USH2A: variants seen among roughly 807,000 people sequenced by gnomAD.
The protein encoded by USH2A is usherin, also known as Usher syndrome 2A (autosomal recessive, mild).
Under a neutral mutation model 538.9 loss-of-function variants are expected in USH2A, and 443 were observed. That is an observed-to-expected ratio of 0.82 (90% CI 0.76 to 0.89). The LOEUF (loss-of-function observed/expected upper bound fraction) is 0.89, where lower values mean the gene tolerates loss of function less well. Ranked by LOEUF, USH2A falls within the 40% of genes least tolerant of loss-of-function variation. The pLI, the probability that USH2A is intolerant of heterozygous loss-of-function variation, is 0.00. For synonymous variants in USH2A, 2,413 were observed against 2,273.5 expected (o/e 1.06, Z -1.75); for missense variants, 6,633 against 6,324.8 (o/e 1.05, Z -1.65).
At chr1:216,168,980 A>C (rs2034222836) in intron 21 of USH2A, among the ~76,000 whole-genome samples, 1 of 152,074 alleles carries the variant, frequency 6.6e-6, no homozygotes, top group Admixed American at 6.6e-5. Context: ...GACTGATTTC[A>C]GTAATAATAA....
chr1:215,915,821 A>T (rs1665938516), intron 38 of USH2A, among the ~76,000 whole-genome samples: 1 of 151,904 alleles, frequency 6.6e-6, no homozygotes. Flanking sequence ...GATTAAGAAA[A>T]TGTGGCACAT....
chr1:216,336,120 A>G (rs1045841272), intron 4 of USH2A, among the ~76,000 whole-genome samples: 1 of 151,510 alleles, frequency 6.6e-6, no homozygotes, highest in Non-Finnish European at 1.5e-5. Context: ...AATGTACGAA[A>G]AGTAATCAAG....
intron 32 of USH2A, among the ~76,000 whole-genome samples, chr1:216,010,270 G>C (rs1478184724): frequency 6.6e-6 from 1 of 152,166 alleles, no homozygotes; most frequent in Non-Finnish European, 1.5e-5. Context: ...CCTCCTCCAG[G>C]AGCTTGCTAC....
intron 58 of USH2A, among the ~76,000 whole-genome samples, chr1:215,748,891 G>A (rs10864193): frequency 0.24 from 36,607 of 152,036 alleles, 4,740 homozygotes; most frequent in East Asian, 0.38. Flanking sequence ...ATCTCTACAA[G>A]ACAAAATGGA....
intron 21 of USH2A, among the ~76,000 whole-genome samples, chr1:216,167,258 C>T (rs944782453): frequency 6.6e-6 from 1 of 152,054 alleles, no homozygotes. Flanking sequence ...CCAGAAATGT[C>T]AGGCAACCGT....
chr1:215,629,815 G>A (rs192194252), intron 70 of USH2A, among the ~76,000 whole-genome samples: 2,457 of 119,092 alleles, frequency 0.021, 29 homozygotes, highest in Middle Eastern at 0.065. Flanking sequence ...TTGCTCTTTC[G>A]CCCAGGCTGG....
intron 37 of USH2A, among the ~76,000 whole-genome samples, chr1:215,956,007 G>C (rs1667056461): frequency 1.3e-5 from 2 of 152,158 alleles, no homozygotes; most frequent in South Asian, 4.1e-4. Flanking sequence ...GGCTAGAGAA[G>C]GACATTGGCC....
chr1:216,130,624 ATATATC>A (rs1421084120), intron 21 of USH2A, among the ~76,000 whole-genome samples: 3 of 146,524 alleles, frequency 2.0e-5, no homozygotes, highest in Admixed American at 7.0e-5. Flanking sequence ...ATATATATAC[ATATATC>A]TATACTATAC....
Position 215,648,692 on chromosome 1 carries a change from C to T in USH2A, c.14418G>A (p.Glu4806=), listed in dbSNP as rs1656943784. 1.9e-6 allele frequency: 3 copies of T among 1,614,094 alleles called. No homozygotes were observed. The highest frequency in any genetic ancestry group is 2.5e-6 in the Non-Finnish European group (3 of 1,180,050). The change falls in exon 66 of 72, where the codon GAG becomes GAA. Residue 4806 remains glutamate, a synonymous_variant. Transcript: ENST00000307340. The part of the protein sequence containing the change: ...QAFTNYSIGV[E]ACTCFNCCSK... ...TGCAACAGTTGAAGCAGGTGCAGGC[C>T]TCTACTCCAATAGAGTAGTTAGTGA...
At chr1:215,965,744 G>A (rs1196644940) in intron 36 of USH2A, among the ~76,000 whole-genome samples, 1 of 152,088 alleles carries the variant, frequency 6.6e-6, no homozygotes, top group Non-Finnish European at 1.5e-5. Context: ...CACTGTGACT[G>A]TGCCTATGGC....
intron 21 of USH2A, among the ~76,000 whole-genome samples, chr1:216,124,804 G>C (rs1207257775): frequency 1.3e-5 from 2 of 152,122 alleles, no homozygotes; most frequent in East Asian, 3.9e-4. Context: ...CTCCTGAAGG[G>C]ACACACCAAA....
At chr1:216,242,212 A>G (rs2035952646) in intron 13 of USH2A, among the ~76,000 whole-genome samples, 1 of 151,120 alleles carries the variant, frequency 6.6e-6, no homozygotes, top group Admixed American at 6.6e-5. Context: ...AATACAAAAA[A>G]TTAGCCAGGC....
At chr1:215,701,954 G>C (rs963280990) in intron 61 of USH2A, among the ~76,000 whole-genome samples, 1 of 152,162 alleles carries the variant, frequency 6.6e-6, no homozygotes, top group African/African-American at 2.4e-5. Context: ...GTGGCTGGTA[G>C]AAGTTTTTCC....
intron 61 of USH2A, among the ~76,000 whole-genome samples, chr1:215,720,939 C>G (rs1037515335): frequency 2.0e-5 from 3 of 152,062 alleles, no homozygotes; most frequent in Non-Finnish European, 4.4e-5. Flanking sequence ...CTAATTCTTT[C>G]TTTTCATGCC....
At chr1:215,878,656 G>A in intron 42 of USH2A, 108 bp downstream of exon 42, 1 of 1,130,908 alleles carries the variant, frequency 8.8e-7, no homozygotes, top group Non-Finnish European at 1.3e-6. Context: ...GATATTCAAT[G>A]CCAAATTAGT....
intron 37 of USH2A, among the ~76,000 whole-genome samples, chr1:215,951,683 G>A (rs1666919004): frequency 1.3e-5 from 2 of 151,982 alleles, no homozygotes; most frequent in South Asian, 4.1e-4. Context: ...TATTGTGTGG[G>A]AGTCTAAGTC....
At chr1:216,041,459 C>G (rs1187447666) in intron 32 of USH2A, among the ~76,000 whole-genome samples, 2 of 152,026 alleles carry the variant, frequency 1.3e-5, no homozygotes, top group African/African-American at 4.8e-5. Flanking sequence ...GCTTGTGCCC[C>G]CCATGGCAGC....
intron 35 of USH2A, among the ~76,000 whole-genome samples, chr1:215,977,141 T>C (rs1460628612): frequency 6.6e-6 from 1 of 152,028 alleles, no homozygotes; most frequent in Non-Finnish European, 1.5e-5. Flanking sequence ...AACAAACAAC[T>C]TCCAAAGAAT....
At chr1:216,303,818 G>A (rs1406980262) in intron 9 of USH2A, among the ~76,000 whole-genome samples, 1 of 151,864 alleles carries the variant, frequency 6.6e-6, no homozygotes, top group Non-Finnish European at 1.5e-5. Flanking sequence ...AGACATAATG[G>A]CTGTACTCTA....
Sources: gnomAD v4.1 joint callset for allele counts (sites outside exome capture counted in the v4.1 genomes callset) on GRCh38, gnomAD v4.1.1 for gene constraint, MANE v1.5 for transcripts, NCBI Gene and HGNC (gene_info 2026-07-23, HGNC 2026-07-21) for gene names.